Variants in IQSEC1 observed in about 807,000 individuals in gnomAD.
The protein encoded by IQSEC1 is IQ motif and Sec7 domain ArfGEF 1, also known as IQ motif and SEC7 domain-containing protein 1.
In IQSEC1, 31 loss-of-function variants were observed where a neutral mutation model predicts 91.0. The ratio of observed to expected loss-of-function variants is 0.34; its 90% CI spans 0.26 to 0.46. The LOEUF (loss-of-function observed/expected upper bound fraction) is 0.46. Among genes scored for constraint, IQSEC1 ranks in the 20% least tolerant of loss-of-function variants. IQSEC1 has a pLI of 1.00. For synonymous variants in IQSEC1, 699 were observed against 662.6 expected (o/e 1.05, Z -0.84); for missense variants, 1,388 against 1,575.6 (o/e 0.88, Z 2.02).
intron 1 of IQSEC1, chr3:13,047,480 G>A (rs900441489): frequency 1.0e-6 from 1 of 985,354 alleles, no homozygotes; most frequent in Non-Finnish European, 1.2e-6. Context: ...GACAGTACCT[G>A]TAGCGGTCAG....
intron 1 of IQSEC1, among the ~76,000 whole-genome samples, chr3:13,047,269 G>A (rs1704532227): frequency 6.6e-6 from 1 of 152,168 alleles, no homozygotes; most frequent in Non-Finnish European, 1.5e-5. Flanking sequence ...GTCTTTGGGG[G>A]GACCTTGATT....
In IQSEC1 at chr3:12,936,616, A is replaced by G; in HGVS notation, c.400T>C (p.Tyr134His). 1 of 1,612,618 alleles carries G rather than the reference A, an allele frequency of 6.2e-7. No homozygotes were observed. Among genetic ancestry groups the G allele is most frequent in the Non-Finnish European group, 8.5e-7 (1 of 1,179,812 alleles). ...ARTIQTAFRQ[Y>H]QMNKNFERLR... ...CGCTCGAAGTTCTTGTTCATCTGGTACTGGCGAAACGCCGTCTGGATGGTG... is the reference window on the plus strand; with the variant it reads ...CGCTCGAAGTTCTTGTTCATCTGGTGCTGGCGAAACGCCGTCTGGATGGTG... The change falls in exon 3 of 14, where the codon TAC becomes CAC. Residue 134 changes from tyrosine (Y) to histidine (H), a missense_variant. Tyr to His is a moderately conservative substitution (Grantham distance 83). Coordinates refer to ENST00000613206, the MANE Select transcript of IQSEC1 (RefSeq NM_001134382.3).
intron 8 of IQSEC1, among the ~76,000 whole-genome samples, chr3:12,914,803 A>G (rs1429649037): frequency 6.6e-6 from 1 of 151,998 alleles, no homozygotes; most frequent in Non-Finnish European, 1.5e-5. Flanking sequence ...AGGGCCAGGT[A>G]GCGGACAGGG....
chr3:12,915,850 C>T (rs1021418401), intron 6 of IQSEC1, 117 bp from the exon 7 acceptor site: 10 of 1,144,964 alleles, frequency 8.7e-6, no homozygotes, highest in African/African-American at 1.5e-5. Flanking sequence ...CCAAAGAACT[C>T]CCAGGCAGGC....
At chr3:13,001,721 T>G (rs1702431249) in intron 1 of IQSEC1, among the ~76,000 whole-genome samples, 1 of 152,252 alleles carries the variant, frequency 6.6e-6, no homozygotes. Flanking sequence ...AAATGATTTT[T>G]TACAAGGTGC....
At chr3:12,986,168 C>T (rs2125607778) in intron 1 of IQSEC1, among the ~76,000 whole-genome samples, 1 of 152,360 alleles carries the variant, frequency 6.6e-6, no homozygotes, top group South Asian at 2.1e-4. Context: ...GTCACACCCA[C>T]TGGCCAAGGC....
chr3:13,168,484 A>C (rs1440459537), intron 1 of IQSEC1, among the ~76,000 whole-genome samples: 1 of 152,116 alleles, frequency 6.6e-6, no homozygotes, highest in East Asian at 1.9e-4. Flanking sequence ...GGCCTTCAGC[A>C]GCTCCCCAGT....
intron 1 of IQSEC1, among the ~76,000 whole-genome samples, chr3:13,061,645 T>C (rs771471741): frequency 2.6e-5 from 4 of 152,140 alleles, no homozygotes; most frequent in Non-Finnish European, 5.9e-5. Flanking sequence ...GGTGCTGGGC[T>C]GGCCTCCCTG....
chr3:13,131,166 T>A (rs1706609709), intron 2 of IQSEC1, among the ~76,000 whole-genome samples: 1 of 152,196 alleles, frequency 6.6e-6, no homozygotes, highest in Admixed American at 6.5e-5. Flanking sequence ...GTGTTCTAAC[T>A]TTAGGACTGC....
At chr3:13,024,371 CTCCATCCATCCA>C (rs55811710) in intron 1 of IQSEC1, among the ~76,000 whole-genome samples, 8,224 of 142,034 alleles carry the variant, frequency 0.058, 311 homozygotes, top group East Asian at 0.16. Flanking sequence ...CCATCCATCA[CTCCATCCATCCA>C]TCCATCCATC....
chr3:13,082,321 C>A (rs375862255), intron 2 of IQSEC1, among the ~76,000 whole-genome samples: 1 of 152,210 alleles, frequency 6.6e-6, no homozygotes, highest in South Asian at 2.1e-4. Context: ...AGTCTCACCA[C>A]CCCTGACTCT....
intron 1 of IQSEC1, among the ~76,000 whole-genome samples, chr3:13,277,558 T>C (rs1695711470): frequency 1.3e-5 from 2 of 152,204 alleles, no homozygotes; most frequent in Non-Finnish European, 2.9e-5. Context: ...TACCATCTGC[T>C]GGAAAATGAG....
At position 12,915,668 on chromosome 3, in the gene IQSEC1, G is replaced by C. The variant is rs1351483270; in HGVS notation, c.2086C>G (p.Arg696Gly). The C allele has an allele frequency of 1.9e-6, 3 of 1,614,094 alleles. No homozygotes were observed. Among genetic ancestry groups the C allele is most frequent in the Non-Finnish European group, 2.5e-6 (3 of 1,179,976 alleles). The change falls in exon 7 of 14, where the codon CGA (arginine) becomes GGA (glycine). Residue 696 changes from arginine (R) to glycine (G), a missense_variant. Around this residue, in one of 2 missense-constraint regions of IQSEC1, gnomAD observed 1,059 missense variants for 1,317.8 expected, o/e 0.80. Coordinates refer to ENST00000613206, the MANE Select transcript of IQSEC1 (RefSeq NM_001134382.3). The part of the protein sequence containing the change: ...LMGIYERIRK[R>G]ELKTNEDHVS... ...TGGTCCTCATTGGTCTTTAGCTCTCGCTTACGGATCCGTTCATAGATCCCC... is the reference window on the plus strand; with the variant it reads ...TGGTCCTCATTGGTCTTTAGCTCTCCCTTACGGATCCGTTCATAGATCCCC...
chr3:13,277,887 C>A (rs1227130154), intron 1 of IQSEC1, among the ~76,000 whole-genome samples: 3 of 152,142 alleles, frequency 2.0e-5, no homozygotes, highest in Admixed American at 2.0e-4. Flanking sequence ...CGCCCCTGGC[C>A]CAGCATTGGT....
intron 1 of IQSEC1, among the ~76,000 whole-genome samples, chr3:13,220,276 C>G (rs1454098546): frequency 1.3e-5 from 2 of 152,240 alleles, no homozygotes; most frequent in African/African-American, 4.8e-5. Flanking sequence ...AGACCTTGAT[C>G]GCCTCAAATT....
chr3:12,968,692 C>A (rs1320772304), intron 1 of IQSEC1, among the ~76,000 whole-genome samples: 3 of 152,218 alleles, frequency 2.0e-5, no homozygotes, highest in Non-Finnish European at 4.4e-5. Flanking sequence ...AGCGCCCACA[C>A]CTGTGGAATG....
intron 1 of IQSEC1, among the ~76,000 whole-genome samples, chr3:13,230,685 A>G (rs1694826176): frequency 1.3e-5 from 2 of 152,214 alleles, no homozygotes; most frequent in South Asian, 4.1e-4. Flanking sequence ...CACTTGCTAA[A>G]AATTTCCATG....
chr3:13,029,373 T>C (rs1703752240), intron 1 of IQSEC1, among the ~76,000 whole-genome samples: 1 of 152,218 alleles, frequency 6.6e-6, no homozygotes, highest in Non-Finnish European at 1.5e-5. Flanking sequence ...TTAATACAGA[T>C]AGAACATGGC....
chr3:13,255,835 C>T (rs949257954), intron 1 of IQSEC1, among the ~76,000 whole-genome samples: 12 of 152,212 alleles, frequency 7.9e-5, no homozygotes, highest in African/African-American at 2.9e-4. Context: ...AAATGGGATG[C>T]CTGGTTTTCC....
Sources: allele counts gnomAD v4.1 joint callset (sites outside exome capture counted in the v4.1 genomes callset), GRCh38; gene constraint gnomAD v4.1.1; regional missense constraint gnomAD v4.1.1; transcripts MANE v1.5; gene names NCBI Gene and HGNC (gene_info 2026-07-23, HGNC 2026-07-21).